NRXN1: variants seen among roughly 807,000 people sequenced by gnomAD.
The protein encoded by NRXN1 is neurexin-1.
In NRXN1, 39 loss-of-function variants were observed where a neutral mutation model predicts 150.9. The observed-to-expected ratio is 0.26, with a 90% CI of 0.20 to 0.34. The LOEUF (loss-of-function observed/expected upper bound fraction) is 0.34, where lower values mean the gene tolerates loss of function less well. NRXN1 is among the 10% of genes least tolerant of loss of function. The pLI, the probability that NRXN1 is intolerant of heterozygous loss-of-function variation, is 1.00. For synonymous variants in NRXN1, 924 were observed against 757.0 expected (o/e 1.22, Z -3.62); for missense variants, 1,815 against 1,949.9 (o/e 0.93, Z 1.30).
chr2:50,687,784 T>C (rs913350839), intron 5 of NRXN1, among the ~76,000 whole-genome samples: 10 of 152,202 alleles, frequency 6.6e-5, no homozygotes, highest in African/African-American at 2.2e-4. Context: ...AGTTTCAAAG[T>C]ATTTCTCTGC....
intron 5 of NRXN1, among the ~76,000 whole-genome samples, chr2:50,626,268 T>TA (rs34976011): frequency 3.3e-5 from 5 of 150,660 alleles, no homozygotes; most frequent in Non-Finnish European, 7.4e-5. Context: ...TCAAAAAATT[T>TA]AAAAAAACAG....
intron 21 of NRXN1, among the ~76,000 whole-genome samples, chr2:50,025,424 A>T (rs546012227): frequency 5.3e-4 from 81 of 152,310 alleles, no homozygotes; most frequent in Non-Finnish European, 8.8e-4. Flanking sequence ...AGACATGTTG[A>T]AATGAATGGA....
chr2:50,802,104 T>C (rs1707675844), intron 5 of NRXN1, among the ~76,000 whole-genome samples: 1 of 152,170 alleles, frequency 6.6e-6, no homozygotes, highest in Admixed American at 6.6e-5. Flanking sequence ...CAAGGCCTTC[T>C]ATCCCACCAC....
intron 8 of NRXN1, among the ~76,000 whole-genome samples, chr2:50,555,789 T>C (rs1384357359): frequency 6.6e-6 from 1 of 152,174 alleles, no homozygotes; most frequent in Admixed American, 6.5e-5. Context: ...TTGCCCTATT[T>C]CTCTAGAAAA....
At chr2:50,943,128 G>T (rs1346032233) in intron 2 of NRXN1, among the ~76,000 whole-genome samples, 2 of 151,894 alleles carry the variant, frequency 1.3e-5, no homozygotes, top group Admixed American at 1.3e-4. Context: ...ATCATGTAAG[G>T]CATGCCCTAC....
At chr2:50,847,767 G>A (rs753842960) in intron 5 of NRXN1, among the ~76,000 whole-genome samples, 3 of 152,182 alleles carry the variant, frequency 2.0e-5, no homozygotes, top group Non-Finnish European at 2.9e-5. Context: ...GCAGGTGGAA[G>A]AGCACACCGA....
intron 18 of NRXN1, among the ~76,000 whole-genome samples, chr2:50,194,554 A>G (rs1434770208): frequency 1.3e-5 from 2 of 152,158 alleles, no homozygotes; most frequent in Non-Finnish European, 2.9e-5. Context: ...CAATTCATAC[A>G]TGGACTAGCA....
chr2:50,969,677 G>A (rs999770939), intron 2 of NRXN1, among the ~76,000 whole-genome samples: 2 of 152,058 alleles, frequency 1.3e-5, no homozygotes, highest in Non-Finnish European at 2.9e-5. Flanking sequence ...CTAAATTTAG[G>A]ACAATTGAGG....
At chr2:50,845,390 A>G (rs561929695) in intron 5 of NRXN1, among the ~76,000 whole-genome samples, 69 of 152,204 alleles carry the variant, frequency 4.5e-4, no homozygotes, top group Non-Finnish European at 9.3e-4. Flanking sequence ...GGTAGATGTT[A>G]TCGTCTCAAT....
intron 5 of NRXN1, among the ~76,000 whole-genome samples, chr2:50,717,025 C>T (rs1695954042): frequency 6.6e-6 from 1 of 152,054 alleles, no homozygotes; most frequent in Non-Finnish European, 1.5e-5. Context: ...AAGTCCATTA[C>T]CCAATGGAGC....
chr2:50,098,992 A>T (rs1486743266), intron 18 of NRXN1, among the ~76,000 whole-genome samples: 1 of 151,604 alleles, frequency 6.6e-6, no homozygotes. Context: ...TTTTTAAAAA[A>T]CAGCCTTTTC....
At chr2:50,431,412 T>A (rs1342007923) in intron 17 of NRXN1, among the ~76,000 whole-genome samples, 1 of 152,236 alleles carries the variant, frequency 6.6e-6, no homozygotes, top group Admixed American at 6.5e-5. Flanking sequence ...TTATTTGGTA[T>A]GCTCCATCAT....
At chr2:49,974,353 A>C in intron 21 of NRXN1, 1 of 430,884 alleles carries the variant, frequency 2.3e-6, no homozygotes, top group Non-Finnish European at 4.5e-6. Flanking sequence ...TTGCTTTTCA[A>C]TTTGCTCCCC....
At chr2:50,050,852 CTT>C (rs1031956821) in intron 21 of NRXN1, among the ~76,000 whole-genome samples, 157 of 152,072 alleles carry the variant, frequency 1.0e-3, no homozygotes, top group African/African-American at 3.5e-3. Flanking sequence ...ACTTAAGAGA[CTT>C]TTAAAACCTA....
Position 50,279,033 on chromosome 2 carries a change from G to T in NRXN1, c.3365-42063C>A, listed in dbSNP as rs368442257. ...GAAGTTTCTCTTTTTATATTTTAAG[G>T]CTTAAAATAACATGGGTTTAAACAT... On this transcript the variant is annotated intron_variant, in intron 17 of 22. Coordinates refer to ENST00000401669, the MANE Select transcript of NRXN1 (RefSeq NM_001330078.2). Among the ~76,000 whole-genome samples, 464 of 152,070 alleles carry T rather than the reference G, an allele frequency of 3.1e-3. 3 individuals are homozygous for T. Among genetic ancestry groups the T allele is most frequent in the African/African-American group, 0.01 (431 of 41,482 alleles).
intron 5 of NRXN1, among the ~76,000 whole-genome samples, chr2:50,907,445 C>G (rs1464378796): frequency 3.3e-5 from 5 of 152,072 alleles, no homozygotes; most frequent in African/African-American, 1.2e-4. Flanking sequence ...GCAGTGTTGG[C>G]TGTGACCTTT....
intron 17 of NRXN1, among the ~76,000 whole-genome samples, chr2:50,337,187 G>C (rs993678505): frequency 1.3e-5 from 2 of 150,878 alleles, no homozygotes; most frequent in African/African-American, 4.9e-5. Flanking sequence ...CCAGGTTCAA[G>C]CGATTCTTCT....
chr2:50,114,484 G>A (rs1245761154), intron 18 of NRXN1, among the ~76,000 whole-genome samples: 1 of 152,126 alleles, frequency 6.6e-6, no homozygotes, highest in Non-Finnish European at 1.5e-5. Context: ...CTTACTACAT[G>A]ATTCAGCAAC....
intron 18 of NRXN1, among the ~76,000 whole-genome samples, chr2:50,225,093 AC>A (rs1341573484): frequency 6.6e-6 from 1 of 151,948 alleles, no homozygotes; most frequent in Non-Finnish European, 1.5e-5. Flanking sequence ...CAGGCCTCTG[AC>A]TTTTGTTTGC....
Sources: allele counts gnomAD v4.1 joint callset (sites outside exome capture counted in the v4.1 genomes callset), GRCh38; gene constraint gnomAD v4.1.1; transcripts MANE v1.5; gene names NCBI Gene and HGNC (gene_info 2026-07-23, HGNC 2026-07-21).